FGFR2: variants seen among roughly 807,000 people sequenced by gnomAD.
FGFR2 encodes BEK fibroblast growth factor receptor.
In FGFR2, 19 loss-of-function variants were observed where a neutral mutation model predicts 95.9. The observed-to-expected ratio is 0.20, with a 90% CI of 0.14 to 0.29. The LOEUF (loss-of-function observed/expected upper bound fraction) is 0.29. Among genes scored for constraint, FGFR2 ranks in the 10% least tolerant of loss-of-function variants. The pLI, the probability that FGFR2 is intolerant of heterozygous loss-of-function variation, is 1.00. For synonymous variants in FGFR2, 392 were observed against 393.3 expected, an observed-to-expected ratio of 1.00 and a Z score of 0.04; for missense variants, 707 against 1,056.9, an observed-to-expected ratio of 0.67 and a Z score of 4.59.
At chr10:121,515,359 C>A (rs1279176507) in intron 8 of FGFR2, 40 bp from the exon 9 acceptor site, 1 of 1,591,348 alleles carries the variant, frequency 6.3e-7, no homozygotes, top group African/African-American at 1.3e-5. Context: ...GATAAGCAGG[C>A]CATAGAGTTA....
At chr10:121,552,090 T>C (rs1184593255) in intron 4 of FGFR2, among the ~76,000 whole-genome samples, 1 of 152,054 alleles carries the variant, frequency 6.6e-6, no homozygotes, top group African/African-American at 2.4e-5. Context: ...TTCTTTCCAA[T>C]GGTGGTTATG....
chr10:121,546,908 A>C (rs758561465), intron 5 of FGFR2, among the ~76,000 whole-genome samples: 2 of 152,226 alleles, frequency 1.3e-5, no homozygotes, highest in Non-Finnish European at 2.9e-5. Context: ...GGAAAACTTG[A>C]CATTTTGCTT....
chr10:121,581,478 C>T lies in FGFR2; in HGVS notation c.109+12231G>A, dbSNP rs1040336846. On this transcript the variant is annotated intron_variant, in intron 2 of 17. Coordinates refer to ENST00000358487, the MANE Select transcript of FGFR2 (RefSeq NM_000141.5). The stretch of plus-strand genomic sequence containing the variant: ...CCAGCCTCAGGTGTGGTGGCTAACA[C>T]CTGTGATCCCAGCACTCTGGGAGGC... 2.7e-5 allele frequency among the ~76,000 whole-genome samples: 4 copies of T among 149,458 alleles called. No individual in the cohort carries two copies. The East Asian group carries it at 5.9e-4, about 22-fold the overall frequency.
intron 2 of FGFR2, among the ~76,000 whole-genome samples, chr10:121,575,347 C>T (rs1434396273): frequency 2.6e-5 from 4 of 152,140 alleles, no homozygotes. Context: ...CAGTATCCCT[C>T]TTGCTTTTGA....
At chr10:121,558,219 C>G (rs1856452223) in intron 4 of FGFR2, among the ~76,000 whole-genome samples, 1 of 152,200 alleles carries the variant, frequency 6.6e-6, no homozygotes, top group Admixed American at 6.5e-5. Flanking sequence ...ATACCTAGTA[C>G]CTAGGGAAGG....
At chr10:121,576,423 C>G (rs1000134827) in intron 2 of FGFR2, among the ~76,000 whole-genome samples, 5 of 152,176 alleles carry the variant, frequency 3.3e-5, no homozygotes, top group African/African-American at 1.2e-4. Context: ...GCAGAGAAAG[C>G]TGGTACATCT....
chr10:121,530,616 C>G (rs188273361), intron 6 of FGFR2, among the ~76,000 whole-genome samples: 10 of 152,234 alleles, frequency 6.6e-5, no homozygotes, highest in African/African-American at 2.4e-4. Context: ...AACAAGACTC[C>G]GTCTCATAAA....
At chr10:121,572,037 G>C (rs1189678652) in intron 2 of FGFR2, among the ~76,000 whole-genome samples, 1 of 151,540 alleles carries the variant, frequency 6.6e-6, no homozygotes, top group Admixed American at 6.6e-5. Flanking sequence ...AAATGGGCCA[G>C]GCACAGCAGG....
In FGFR2 at chr10:121,517,638, C is replaced by T. The variant is rs181263239; in HGVS notation, c.940-175G>A. Among the ~76,000 whole-genome samples, 93 of 152,218 alleles carry T rather than the reference C, an allele frequency of 6.1e-4. No individual in the cohort carries two copies. The highest frequency in any genetic ancestry group is 2.2e-3 in the African/African-American group (91 of 41,546). ...CCGAGAGACACGGAGCAACACTGAC[C>T]AGCTCACCTCCACAGGCCCGTCACC... On this transcript the variant is annotated intron_variant, in intron 7 of 17. Transcript: ENST00000358487. The surrounding 1 kb of genome is among the most constrained non-coding windows in gnomAD (Gnocchi z 4.7).
At chr10:121,542,172 T>G (rs1389947187) in intron 5 of FGFR2, among the ~76,000 whole-genome samples, 1 of 152,088 alleles carries the variant, frequency 6.6e-6, no homozygotes, top group Non-Finnish European at 1.5e-5. Context: ...TGATTCCAAT[T>G]TATTTAAAAA....
At chr10:121,588,078 T>C (rs1034107997) in intron 2 of FGFR2, among the ~76,000 whole-genome samples, 1 of 152,188 alleles carries the variant, frequency 6.6e-6, no homozygotes, top group African/African-American at 2.4e-5. Context: ...AAGAGCAAGA[T>C]CATGTCTTTT....
At chr10:121,577,178 T>TATATATAGAGAGAGAGAGAGAGAG in intron 2 of FGFR2, among the ~76,000 whole-genome samples, 1 of 5,214 alleles carries the variant, frequency 1.9e-4, no homozygotes, top group Non-Finnish European at 3.3e-4. Context: ...TATATATATA[T>TATATATAGAGAGAGAGAGAGAGAG]AGAGAGAGAG....
chr10:121,594,437 A>G (rs771057281), intron 1 of FGFR2, among the ~76,000 whole-genome samples: 6 of 152,232 alleles, frequency 3.9e-5, no homozygotes, highest in African/African-American at 1.4e-4. Context: ...GTCTGCTCAC[A>G]GCTCCGTATT....
At chr10:121,542,033 T>C (rs748090375) in intron 5 of FGFR2, among the ~76,000 whole-genome samples, 1 of 152,198 alleles carries the variant, frequency 6.6e-6, no homozygotes, top group Non-Finnish European at 1.5e-5. Flanking sequence ...GCATAGTTCA[T>C]CCTGTATGAA....
intron 2 of FGFR2, 116 bp from the exon 3 acceptor site, chr10:121,565,820 G>C: frequency 7.7e-7 from 1 of 1,303,972 alleles, no homozygotes; most frequent in Non-Finnish European, 1.1e-6. Flanking sequence ...TTCTTGCTCT[G>C]CAAATGGCCC....
At chr10:121,539,642 G>C (rs963193321) in intron 5 of FGFR2, among the ~76,000 whole-genome samples, 5 of 152,152 alleles carry the variant, frequency 3.3e-5, no homozygotes, top group African/African-American at 9.7e-5. Flanking sequence ...TTCTCTACAG[G>C]TGTTTTGGAC....
At chr10:121,495,562 T>C (rs1399669699) in intron 13 of FGFR2, among the ~76,000 whole-genome samples, 2 of 152,124 alleles carry the variant, frequency 1.3e-5, no homozygotes, top group Non-Finnish European at 2.9e-5. Context: ...TGTTCCTATG[T>C]GGCCAGAGAG....
rs1849830430 is a variant in FGFR2 at position 121,517,425 on chromosome 10, A to T, written c.978T>A (p.Val326=). The part of the protein sequence containing the change: ...GVNTTDKEIE[V]LYIRNVTFED... ...CAAAAGTTACATTCCGAATATAGAG[A>T]ACCTCAATCTCTTTGTCCGTGGTGT... Residue 326 remains valine, a synonymous_variant, in exon 8 of 18, where the codon GTT becomes GTA. Coordinates refer to ENST00000358487, the MANE Select transcript of FGFR2 (RefSeq NM_000141.5). The surrounding 1 kb of genome is among the most constrained non-coding windows in gnomAD (Gnocchi z 4.7). 6.2e-7 allele frequency: 1 copy of T among 1,614,240 alleles called. No homozygotes were observed. Among genetic ancestry groups the T allele is most frequent in the Non-Finnish European group, 8.5e-7 (1 of 1,180,042 alleles).
At position 121,593,780 on chromosome 10, in the gene FGFR2, A is replaced by G; in HGVS notation, c.38T>C (p.Val13Ala). The change falls in exon 2 of 18, where the codon GTC becomes GCC. Residue 13 changes from valine (V) to alanine (A), a missense_variant. Physicochemically the swap from Val to Ala is moderately conservative, Grantham distance 64. Around this residue, in one of 7 missense-constraint regions of FGFR2, gnomAD observed 178 missense variants for 194.1 expected, o/e 0.92. Coordinates refer to ENST00000358487, the MANE Select transcript of FGFR2 (RefSeq NM_000141.5). The stretch of plus-strand genomic sequence containing the variant: ...GGCCAGGGACAAGGTTGCCATGGTG[A>G]CCACGACCAGGCAGATGAAACGACC... Reference protein sequence around the residue: ...SWGRFICLVVVTMATLSLARP... With the variant: ...SWGRFICLVVATMATLSLARP... 1 of 1,614,194 alleles carries G rather than the reference A, an allele frequency of 6.2e-7. No individual in the cohort carries two copies. Among genetic ancestry groups the G allele is most frequent in the Non-Finnish European group, 8.5e-7 (1 of 1,180,030 alleles).
Sources: allele counts gnomAD v4.1 joint callset (sites outside exome capture counted in the v4.1 genomes callset), GRCh38; gene constraint gnomAD v4.1.1; regional missense constraint gnomAD v4.1.1; non-coding constraint Gnocchi (gnomAD v3.1); transcripts MANE v1.5; gene names NCBI Gene and HGNC (gene_info 2026-07-23, HGNC 2026-07-21).